Variants in KIF26A observed in about 807,000 individuals in gnomAD.
KIF26A encodes the protein kinesin-like protein KIF26A.
A neutral mutation model predicts 126.0 loss-of-function variants in KIF26A; 74 were observed. The ratio of observed to expected loss-of-function variants is 0.59; its 90% confidence interval spans 0.49 to 0.71. The LOEUF (loss-of-function observed/expected upper bound fraction) is 0.71. KIF26A is among the 30% of genes least tolerant of loss of function. The pLI is 0.00. For synonymous variants in KIF26A, 1,445 were observed against 1,232.7 expected (o/e 1.17, Z -3.61); for missense variants, 2,984 against 2,763.3 (o/e 1.08, Z -1.79).
At position 104,156,710 on chromosome 14, in the gene KIF26A, G is replaced by A. The variant is rs569883761; in HGVS notation, c.736-1045G>A. Among the ~76,000 whole-genome samples, 207 of 152,298 alleles carry A rather than the reference G, an allele frequency of 1.4e-3. 1 individual carries two copies. Among genetic ancestry groups the A allele is most frequent in the Non-Finnish European group, 2.3e-3 (159 of 68,008 alleles). Reference sequence around the variant, plus strand: ...CCTCTGTCTGGAGTGTCCCTCCTGGGTCCCGGGGCGGCTTGTTCTGCTGAC... The same window carrying A: ...CCTCTGTCTGGAGTGTCCCTCCTGGATCCCGGGGCGGCTTGTTCTGCTGAC... On this transcript the variant is annotated intron_variant, in intron 3 of 14. Transcript: ENST00000423312.
At chr14:104,178,187 C>T (rs192262487) in intron 12 of KIF26A, among the ~76,000 whole-genome samples, 1 of 152,328 alleles carries the variant, frequency 6.6e-6, no homozygotes, top group Non-Finnish European at 1.5e-5. Context: ...AAGGGCAGCC[C>T]TGCACAGGTC....
At chr14:104,163,051 T>C (rs1434842839) in intron 4 of KIF26A, among the ~76,000 whole-genome samples, 2 of 152,196 alleles carry the variant, frequency 1.3e-5, no homozygotes, top group Non-Finnish European at 2.9e-5. Flanking sequence ...GCTTCTTCCC[T>C]TGCAGGCAGC....
Position 104,175,467 on chromosome 14 carries a change from G to A in KIF26A, c.2679G>A (p.Pro893=), listed in dbSNP as rs775651713. The A allele has an allele frequency of 4.9e-5, 78 of 1,592,092 alleles. 3 individuals are homozygous for A. The South Asian group carries it at 7.0e-4, about 14-fold the overall frequency. The stretch of plus-strand genomic sequence containing the variant: ...CCCCCAGGAAGGCCGTGGGCACCCC[G>A]ATGGCTGCCAGCACCCCTCGAGGCA... ...AASPRKAVGT[P]MAASTPRGSS... Residue 893 remains proline, a synonymous_variant, in exon 12 of 15, where the codon CCG becomes CCA. Coordinates refer to ENST00000423312, the MANE Select transcript of KIF26A (RefSeq NM_015656.2).
At chr14:104,141,048 G>T (rs1457982264) in intron 2 of KIF26A, among the ~76,000 whole-genome samples, 1 of 152,228 alleles carries the variant, frequency 6.6e-6, no homozygotes, top group African/African-American at 2.4e-5. Context: ...CCATCCTGGG[G>T]CCTTACGGGT....
chr14:104,146,709 G>T (rs554611809), intron 2 of KIF26A, among the ~76,000 whole-genome samples: 1 of 152,176 alleles, frequency 6.6e-6, no homozygotes, highest in African/African-American at 2.4e-5. Flanking sequence ...GCATCCGGAC[G>T]GCTCCTGGGG....
In KIF26A at chr14:104,157,904, C is replaced by A; in HGVS notation, c.885C>A (p.Gly295=). 6.5e-7 allele frequency: 1 copy of A among 1,548,700 alleles called. No homozygotes were observed. The highest frequency in any genetic ancestry group is 1.2e-5 in the South Asian group (1 of 83,980). ...LVTPTPGSVG[G]STGPSAAASF... is the part of the protein sequence containing the mutation. Reference sequence around the variant, plus strand: ...CCCCCACCCCGGGCTCGGTGGGGGGCTCCACAGGCCCCTCAGCTGCAGCCT... The same window carrying A: ...CCCCCACCCCGGGCTCGGTGGGGGGATCCACAGGCCCCTCAGCTGCAGCCT... Residue 295 remains glycine (G), a synonymous_variant, in exon 4 of 15, where the codon GGC becomes GGA. Transcript: ENST00000423312.
Position 104,173,320 on chromosome 14 carries a change from T to C in KIF26A, c.1684-10T>C. The C allele has an allele frequency of 6.2e-7, 1 of 1,605,378 alleles. No homozygotes were observed. The highest frequency in any genetic ancestry group is 8.5e-7 in the Non-Finnish European group (1 of 1,175,184). On this transcript the variant is annotated splice_polypyrimidine_tract_variant and intron_variant, in intron 8 of 14. Transcript: ENST00000423312. ...CACTGAAGACGCCGCTGCCTCTGCC[T>C]TTCCTGCAGCTCCAGAACCAAAGCG...
chr14:104,176,727 G>T lies in KIF26A; in HGVS notation c.3939G>T (p.Leu1313=). The change falls in exon 12 of 15, where the codon CTG becomes CTT. Residue 1313 remains leucine (L), a synonymous_variant. Coordinates refer to ENST00000423312, the MANE Select transcript of KIF26A (RefSeq NM_015656.2). ...IPPLRRGATT[L]GVTTPAVSWG... ...CGCTGCGGAGGGGTGCCACCACGCT[G>T]GGTGTGACAACGCCAGCTGTGTCCT... The T allele has an allele frequency of 6.3e-7, 1 of 1,587,594 alleles. No individual in the cohort carries two copies.
chr14:104,140,948 A>C (rs1325476769), intron 2 of KIF26A, among the ~76,000 whole-genome samples: 1 of 152,098 alleles, frequency 6.6e-6, no homozygotes, highest in East Asian at 1.9e-4. Flanking sequence ...CCTGTTGTGA[A>C]GTGCTGTCCC....
In KIF26A at chr14:104,177,247, G is replaced by T; in HGVS notation, c.4459G>T (p.Ala1487Ser). Residue 1487 changes from alanine to serine, a missense_variant, in exon 12 of 15, where the codon GCT becomes TCT. Ala to Ser is a moderately conservative substitution (Grantham distance 99). Coordinates refer to ENST00000423312, the MANE Select transcript of KIF26A (RefSeq NM_015656.2). ...APACRSGAAK[A>S]VGAPKPPVGG... ...CGCCTGTAGGAGCGGCGCAGCCAAG[G>T]CTGTGGGGGCCCCCAAGCCCCCTGT... 5.0e-6 allele frequency: 8 copies of T among 1,596,552 alleles called. No individual in the cohort carries two copies. Among genetic ancestry groups the T allele is most frequent in the Non-Finnish European group, 6.0e-6 (7 of 1,175,222 alleles).
intron 11 of KIF26A, 25 bp from the exon 12 acceptor site, chr14:104,174,957 G>A (rs1206707122): frequency 8.0e-6 from 12 of 1,497,634 alleles, no homozygotes; most frequent in Admixed American, 6.2e-5. Flanking sequence ...GACTGGGCTC[G>A]GCAGCTCCAC....
Position 104,139,369 on chromosome 14 carries a change from A to G in KIF26A, c.288+81A>G, listed in dbSNP as rs2037615061. 18 of 1,352,146 alleles carry G rather than the reference A, an allele frequency of 1.3e-5. No homozygotes were observed. The South Asian group carries it at 2.6e-4, about 19-fold the overall frequency. 83.8% of individuals were successfully genotyped at this position (1,352,146 alleles called of 1,614,324 possible). A position where few individuals can be genotyped will look rare whatever the true frequency, so the allele number is the denominator to read the frequency against. On this transcript the variant is annotated intron_variant, in intron 2 of 14. Transcript: ENST00000423312. ...TAGAACTTGGGGCTTGGAGGGAAGCAGGGTTCCACTCCTTCCCTGCTGCTG... is the reference window on the plus strand; with the variant it reads ...TAGAACTTGGGGCTTGGAGGGAAGCGGGGTTCCACTCCTTCCCTGCTGCTG...
rs778529936 is a variant in KIF26A at position 104,157,875 on chromosome 14, G to C, written c.856G>C (p.Val286Leu). The C allele has an allele frequency of 1.3e-6, 2 of 1,596,724 alleles. No individual in the cohort carries two copies. Among genetic ancestry groups the C allele is most frequent in the Non-Finnish European group, 1.7e-6 (2 of 1,169,866 alleles). The change falls in exon 4 of 15, where the codon GTC becomes CTC. Residue 286 changes from valine (V) to leucine (L), a missense_variant. Physicochemically the swap from Val to Leu is conservative, Grantham distance 32. Transcript: ENST00000423312. ...GRGGVCTSAL[V>L]TPTPGSVGGS... ...TGGTGGAGTCTGCACGTCAGCCCTG[G>C]TCACCCCCACCCCGGGCTCGGTGGG... is the stretch of plus-strand genomic sequence containing the variant.
intron 5 of KIF26A, among the ~76,000 whole-genome samples, chr14:104,170,466 A>C (rs2037946246): frequency 6.6e-6 from 1 of 152,204 alleles, no homozygotes; most frequent in South Asian, 2.1e-4. Context: ...GGTGCGAACT[A>C]CCCATGGTAA....
At position 104,172,994 on chromosome 14, in the gene KIF26A, A is replaced by G. The variant is rs1398531002; in HGVS notation, c.1438A>G (p.Ile480Val). ...GCCCCCAGGCAAGTCGTACACCATG[A>G]TCGGGAAGGACAGCTCACCCCAGAG... is the stretch of plus-strand genomic sequence containing the variant. The part of the protein sequence containing the change: ...HMSLGKSYTM[I>V]GKDSSPQSLG... The change falls in exon 8 of 15, where the codon ATC becomes GTC. Residue 480 changes from isoleucine (I) to valine (V), a missense_variant. By Grantham distance (29) the Ile-to-Val change is conservative. Transcript: ENST00000423312. 6.3e-7 allele frequency: 1 copy of G among 1,599,032 alleles called. No individual in the cohort carries two copies. Among genetic ancestry groups the G allele is most frequent in the Admixed American group, 1.7e-5 (1 of 59,494 alleles).
chr14:104,141,108 C>T (rs1335261629), intron 2 of KIF26A, among the ~76,000 whole-genome samples: 1 of 152,232 alleles, frequency 6.6e-6, no homozygotes, highest in East Asian at 1.9e-4. Context: ...AGAGTCCCAG[C>T]AAAATTGCAG....
At chr14:104,172,025 T>A in intron 6 of KIF26A, 90 bp downstream of exon 6, 1 of 1,248,200 alleles carries the variant, frequency 8.0e-7, no homozygotes, top group Non-Finnish European at 1.1e-6. Flanking sequence ...CGCTTCTCCG[T>A]GCAGGGCGCA....
rs2141113788 is a variant in KIF26A, at chr14:104,171,744, T to C, written c.1135T>C (p.Trp379Arg). ...IGKVKVMLRI[W>R]PAQGAQRSAE... ...CCAGGTGAAGGTTATGCTGCGGATC[T>C]GGCCCGCACAGGGGGCCCAGCGCTC... The change falls in exon 6 of 15, where the codon TGG (tryptophan) becomes CGG (arginine). Residue 379 changes from tryptophan to arginine, a missense_variant. Trp to Arg is a moderately radical substitution (Grantham distance 101, BLOSUM62 -3). Coordinates refer to ENST00000423312, the MANE Select transcript of KIF26A (RefSeq NM_015656.2). 1.9e-6 allele frequency: 3 copies of C among 1,578,266 alleles called. No homozygotes were observed. The East Asian group carries it at 7.0e-5, about 37-fold the overall frequency.
Position 104,175,919 on chromosome 14 carries a change from C to G in KIF26A, c.3131C>G (p.Ala1044Gly), listed in dbSNP as rs765147272. The G allele has an allele frequency of 6.5e-7, 1 of 1,548,452 alleles. No homozygotes were observed. Among genetic ancestry groups the G allele is most frequent in the African/African-American group, 1.4e-5 (1 of 73,754 alleles). ...GTGGTGGAGGAGCTGTCCCTGGGGG[C>G]GCTTGCCGGAGCTGGGCGGCCCACC... ...FTVVEELSLG[A>G]LAGAGRPTSL... The change falls in exon 12 of 15, where the codon GCG (alanine) becomes GGG (glycine). Residue 1044 changes from alanine (A) to glycine (G), a missense_variant. Coordinates refer to ENST00000423312, the MANE Select transcript of KIF26A (RefSeq NM_015656.2).
Sources: allele counts gnomAD v4.1 joint callset (sites outside exome capture counted in the v4.1 genomes callset), GRCh38; gene constraint gnomAD v4.1.1; transcripts MANE v1.5; gene names NCBI Gene and HGNC (gene_info 2026-07-23, HGNC 2026-07-21).